Variants in TMEM39A observed in about 807,000 individuals in gnomAD.
TMEM39A encodes the protein transmembrane protein 39A, also known as suppressor of SQST-1 aggregates in rpl-43 mutants.
In TMEM39A, 19 loss-of-function variants were observed where a neutral mutation model predicts 51.9. The ratio of observed to expected loss-of-function variants is 0.37; its 90% CI spans 0.26 to 0.54. The LOEUF is 0.54. Among genes scored for constraint, TMEM39A ranks in the 20% least tolerant of loss-of-function variants. TMEM39A has a pLI of 0.88. For synonymous variants in TMEM39A, 197 were observed against 220.2 expected (o/e 0.89, Z 0.93); for missense variants, 433 against 590.5 (o/e 0.73, Z 2.76).
At chr3:119,458,277 A>G in intron 2 of TMEM39A, 37 bp from the exon 3 acceptor site, 1 of 1,576,756 alleles carries the variant, frequency 6.3e-7, no homozygotes, top group Non-Finnish European at 8.7e-7. Context: ...AAATGGTGAT[A>G]ACCTCCAGTA....
intron 8 of TMEM39A, 117 bp downstream of exon 8, chr3:119,434,645 T>C: frequency 1.4e-6 from 2 of 1,427,746 alleles, no homozygotes; most frequent in Middle Eastern, 3.8e-4. Context: ...GTAGCAATAA[T>C]TACCATGTAA....
At chr3:119,450,508 G>A (rs1176471897) in intron 4 of TMEM39A, among the ~76,000 whole-genome samples, 1 of 152,088 alleles carries the variant, frequency 6.6e-6, no homozygotes, top group Non-Finnish European at 1.5e-5. Context: ...TTTAGCTTAA[G>A]TATTCTGTTC....
intron 5 of TMEM39A, 172 bp downstream of exon 5, chr3:119,446,846 A>T: frequency 1.4e-6 from 1 of 732,748 alleles, no homozygotes; most frequent in Non-Finnish European, 2.2e-6. Flanking sequence ...TCCCAACTGT[A>T]CTCCAGTTTA....
intron 3 of TMEM39A, among the ~76,000 whole-genome samples, chr3:119,453,758 A>C (rs2081229679): frequency 6.6e-6 from 1 of 152,220 alleles, no homozygotes; most frequent in Admixed American, 6.5e-5. Context: ...TAGGGAAATA[A>C]GTTTCTATTT....
At chr3:119,452,342 A>G in intron 4 of TMEM39A, 105 bp downstream of exon 4, 1 of 742,892 alleles carries the variant, frequency 1.3e-6, no homozygotes, top group Admixed American at 2.6e-5. Context: ...GGAGTAAAGT[A>G]ATTTATTGTT....
chr3:119,436,103 G>A (rs1055618142), intron 7 of TMEM39A, among the ~76,000 whole-genome samples: 1 of 152,192 alleles, frequency 6.6e-6, no homozygotes, highest in Non-Finnish European at 1.5e-5. Context: ...GGGTCTGAAA[G>A]AAAAGTATGA....
intron 5 of TMEM39A, among the ~76,000 whole-genome samples, chr3:119,442,221 T>C (rs557254633): frequency 3.3e-5 from 5 of 151,892 alleles, no homozygotes; most frequent in African/African-American, 4.8e-5. Context: ...CATGCACCTG[T>C]AGTCCCAGCT....
intron 4 of TMEM39A, among the ~76,000 whole-genome samples, chr3:119,449,789 G>T (rs1350615982): frequency 6.6e-6 from 1 of 152,124 alleles, no homozygotes; most frequent in Non-Finnish European, 1.5e-5. Context: ...TGAAAAAACA[G>T]CTAAATTTAT....
chr3:119,457,461 G>A (rs1464505299), intron 3 of TMEM39A, among the ~76,000 whole-genome samples: 1 of 152,186 alleles, frequency 6.6e-6, no homozygotes, highest in Non-Finnish European at 1.5e-5. Flanking sequence ...GTGTGGAAAT[G>A]ATGTAAGCCT....
At chr3:119,455,526 G>A (rs2081252861) in intron 3 of TMEM39A, among the ~76,000 whole-genome samples, 2 of 152,178 alleles carry the variant, frequency 1.3e-5, no homozygotes, top group African/African-American at 4.8e-5. Flanking sequence ...ATACGATTTA[G>A]GTTCTGTCAA....
In TMEM39A at chr3:119,452,298, A is replaced by C. The variant is rs1032988266; in HGVS notation, c.420+149T>G. 6 of 499,408 alleles carry C rather than the reference A, an allele frequency of 1.2e-5. No individual in the cohort carries two copies. In the South Asian group the frequency reaches 2.0e-4, roughly 17 times the overall value. 30.9% of individuals were successfully genotyped at this position (499,408 alleles called of 1,614,324 possible). On this transcript the variant is annotated intron_variant, in intron 4 of 8. Transcript: ENST00000319172. ...AATTTTAAAAAATTACACTGCAGGG[A>C]AACATTTTTTAAAGTACTGGCAGAA...
At position 119,447,022 on chromosome 3, in the gene TMEM39A, A is replaced by G. The variant is rs752505904; in HGVS notation, c.571T>C (p.Tyr191His). The stretch of plus-strand genomic sequence containing the variant: ...TGGTAAAACTGGAGTACTCACGGGT[A>G]GCCAAGGAAAAGGAGATTGAGGACT... ...HSVLNLLFLG[Y>H]PFGVYVPLCC... Residue 191 changes from tyrosine to histidine, a missense_variant, in exon 5 of 9, where the codon TAC becomes CAC. Tyr to His is a moderately conservative substitution (Grantham distance 83). Transcript: ENST00000319172. 6.2e-7 allele frequency: 1 copy of G among 1,613,800 alleles called. No homozygotes were observed. The highest frequency in any genetic ancestry group is 8.5e-7 in the Non-Finnish European group (1 of 1,179,918).
At chr3:119,459,153 G>C (rs780168368) in intron 2 of TMEM39A, among the ~76,000 whole-genome samples, 5 of 152,200 alleles carry the variant, frequency 3.3e-5, no homozygotes, top group Non-Finnish European at 7.3e-5. Context: ...CTGCTTACAA[G>C]GCTTACATCT....
In TMEM39A at chr3:119,436,874, A is replaced by T; in HGVS notation, c.1029T>A (p.Cys343Ter). Residue 343 changes from cysteine (C) to a stop codon, truncating the protein, a stop_gained, in exon 7 of 9, where the codon TGT becomes TGA. Transcript: ENST00000319172. LOFTEE classifies it high-confidence loss of function. Reference sequence around the variant, plus strand: ...GAGCAGCTGATTTATGTAGCAAATCACAGTATTTGGATGGCAACAGTTGCG... The same window carrying T: ...GAGCAGCTGATTTATGTAGCAAATCTCAGTATTTGGATGGCAACAGTTGCG... ...LTTQLLPSKY[C>*]DLLHKSAAHL... 6.2e-7 allele frequency: 1 copy of T among 1,614,092 alleles called. No individual in the cohort carries two copies. The highest frequency in any genetic ancestry group is 8.5e-7 in the Non-Finnish European group (1 of 1,179,948).
rs752385958 is a variant in TMEM39A, at chr3:119,461,943, A to T, written c.113+19T>A. The T allele has an allele frequency of 2.5e-6, 4 of 1,581,230 alleles. No homozygotes were observed. On this transcript the variant is annotated intron_variant, in intron 2 of 8. Coordinates refer to ENST00000319172, the MANE Select transcript of TMEM39A (RefSeq NM_018266.3). ...ATCAAAGGACATTAAAATTATATAT[A>T]GCCTTATTTTTTCTTTACCTGTTTC...
rs191732747 is a variant in TMEM39A at position 119,431,250 on chromosome 3, T to C, written c.*731A>G. On this transcript the variant is annotated 3_prime_UTR_variant, in exon 9 of 9. Coordinates refer to ENST00000319172, the MANE Select transcript of TMEM39A (RefSeq NM_018266.3). Reference sequence around the variant, plus strand: ...CTCCTACTGATCCAGCCACACATCATCTTCTTCATGAATGTGGGCAGTCTA... The same window carrying C: ...CTCCTACTGATCCAGCCACACATCACCTTCTTCATGAATGTGGGCAGTCTA... 33 of 152,210 alleles carry C rather than the reference T, an allele frequency of 2.2e-4. No individual in the cohort carries two copies. The highest frequency in any genetic ancestry group is 6.7e-4 in the African/African-American group (28 of 41,548). The allele number at this position is 152,210 out of a possible 1,614,324, so 9.4% of individuals were successfully genotyped here. A position where few individuals can be genotyped will look rare whatever the true frequency, so the allele number is the denominator to read the frequency against.
intron 5 of TMEM39A, among the ~76,000 whole-genome samples, chr3:119,445,517 G>A (rs1368788057): frequency 8.5e-5 from 13 of 152,108 alleles, no homozygotes; most frequent in Admixed American, 6.5e-4. Context: ...TGCCCACCTC[G>A]GCCTCCCAAA....
chr3:119,457,963 C>T, intron 3 of TMEM39A, 55 bp downstream of exon 3: 2 of 1,330,824 alleles, frequency 1.5e-6, no homozygotes, highest in Non-Finnish European at 2.1e-6. Context: ...AAAGGCTTTC[C>T]AGGTAGTTTC....
At chr3:119,446,107 A>AT (rs1207849494) in intron 5 of TMEM39A, among the ~76,000 whole-genome samples, 10 of 152,248 alleles carry the variant, frequency 6.6e-5, no homozygotes, top group African/African-American at 1.9e-4. Flanking sequence ...TAGAACAATT[A>AT]TAACAATATA....
Sources: allele counts gnomAD v4.1 joint callset (sites outside exome capture counted in the v4.1 genomes callset), GRCh38; gene constraint gnomAD v4.1.1; transcripts MANE v1.5; gene names NCBI Gene and HGNC (gene_info 2026-07-23, HGNC 2026-07-21).